Variants in TMC6 observed in about 807,000 individuals in gnomAD.
The protein encoded by TMC6 is transmembrane channel like 6, also known as transmembrane channel-like protein 6.
In TMC6, 71 loss-of-function variants were observed where a neutral mutation model predicts 95.4. That is an observed-to-expected ratio of 0.74 (90% confidence interval 0.61 to 0.91). The LOEUF is 0.91. TMC6 is among the 40% of genes least tolerant of loss of function. TMC6 has a pLI of 0.00. For synonymous variants in TMC6, 514 were observed against 483.1 expected (o/e 1.06, Z -0.84); for missense variants, 1,074 against 1,079.1 (o/e 1.00, Z 0.07).
At chr17:78,132,340 C>T (rs1366992986), upstream of TMC6, 2 of 1,612,346 alleles carry the variant, frequency 1.2e-6, no homozygotes, top group Non-Finnish European at 1.7e-6. Context: ...CCCTGACCCA[C>T]CCTGCTCTCC....
At chr17:78,124,245 C>T in intron 8 of TMC6, 66 bp from the exon 9 acceptor site, 2 of 1,589,884 alleles carry the variant, frequency 1.3e-6, no homozygotes, top group Non-Finnish European at 1.7e-6. Flanking sequence ...TCAGGCCTGA[C>T]AGCCACAGGG....
chr17:78,119,067 C>T (rs2074276319), intron 14 of TMC6, 21 bp from the exon 15 acceptor site: 1 of 1,564,874 alleles, frequency 6.4e-7, no homozygotes, highest in Non-Finnish European at 8.7e-7. Context: ...GGTGGCAGTT[C>T]AGGGGCTGCT....
At chr17:78,115,054 C>T (rs919558652) in intron 18 of TMC6, among the ~76,000 whole-genome samples, 1 of 152,260 alleles carries the variant, frequency 6.6e-6, no homozygotes, top group Non-Finnish European at 1.5e-5. Context: ...TACAGCCAGA[C>T]AACCACCGCA....
intron 14 of TMC6, 78 bp downstream of exon 14, chr17:78,119,219 G>C: frequency 6.4e-7 from 1 of 1,568,858 alleles, no homozygotes; most frequent in Non-Finnish European, 8.8e-7. Flanking sequence ...CCCAGGGGGA[G>C]GCAGGTACAG....
intron 14 of TMC6, 112 bp from the exon 15 acceptor site, chr17:78,119,158 G>A (rs752361112): frequency 1.4e-5 from 21 of 1,494,648 alleles, no homozygotes; most frequent in African/African-American, 4.1e-5. Flanking sequence ...CTGAGTCCCC[G>A]GGGTTAGGGT....
At chr17:78,117,760 C>T (rs1424013613) in intron 16 of TMC6, 42 bp downstream of exon 16, 1 of 1,593,126 alleles carries the variant, frequency 6.3e-7, no homozygotes, top group East Asian at 2.3e-5. Context: ...CACCCAACCC[C>T]CAGATGACAC....
intron 15 of TMC6, among the ~76,000 whole-genome samples, chr17:78,118,425 GGGCGCCTGTAGT>G (rs2145110309): frequency 6.6e-6 from 1 of 152,274 alleles, no homozygotes; most frequent in Admixed American, 6.5e-5. Flanking sequence ...GTGTGGTGGC[GGGCGCCTGTAGT>G]CCCAGCCACT....
chr17:78,113,437 GTC>G, intron 19 of TMC6, 109 bp downstream of exon 19: 1 of 1,377,912 alleles, frequency 7.3e-7, no homozygotes, highest in Non-Finnish European at 1.0e-6. Flanking sequence ...GTCAAAAGCG[GTC>G]AAGTGTCAGC....
chr17:78,116,047 T>C (rs1316154741), intron 18 of TMC6, among the ~76,000 whole-genome samples: 1 of 152,016 alleles, frequency 6.6e-6, no homozygotes, highest in African/African-American at 2.4e-5. Context: ...ACTCGCTCTG[T>C]CGCCCGGGCT....
chr17:78,117,867 G>C lies in TMC6; in HGVS notation c.1956C>G (p.Phe652Leu). ...PWLASHMSTV[F>L]LTLLCFPAFL... ...AGGCGGGGAAGCAGAGCAGCGTGAG[G>C]AAGACGGTGCTCATGTGTGAGGCCA... Residue 652 changes from phenylalanine (F) to leucine (L), a missense_variant, in exon 16 of 20, where the codon TTC (phenylalanine) becomes TTG (leucine). Phe to Leu is a conservative substitution (Grantham distance 22). Transcript: ENST00000590602. The C allele has an allele frequency of 6.2e-7, 1 of 1,607,904 alleles. No individual in the cohort carries two copies. Among genetic ancestry groups the C allele is most frequent in the Non-Finnish European group, 8.5e-7 (1 of 1,177,546 alleles).
At position 78,126,760 on chromosome 17, in the gene TMC6, A is replaced by C. The variant is rs1302340140; in HGVS notation, c.56+17T>G. 1 of 1,612,920 alleles carries C rather than the reference A, an allele frequency of 6.2e-7. No homozygotes were observed. Among genetic ancestry groups the C allele is most frequent in the Non-Finnish European group, 8.5e-7 (1 of 1,179,740 alleles). On this transcript the variant is annotated intron_variant, in intron 2 of 19. Transcript: ENST00000590602. ...TGGAACATTCCAGCCTCCAGCCCCC[A>C]GCCCCAGAGCGCTTACCCCTGGTCC...
rs1368141655 is a variant in TMC6, at chr17:78,121,385, G to T, written c.1383+171C>A. ...AAAATAAAACCGTGAGACAGGACAA[G>T]GGGCTGAGAAGTGGGGCTCGGAGGG... On this transcript the variant is annotated intron_variant, in intron 11 of 19. Coordinates refer to ENST00000590602, the MANE Select transcript of TMC6 (RefSeq NM_001127198.5). The surrounding 1 kb of genome is among the most constrained non-coding windows in gnomAD (Gnocchi z 5.6). 6.6e-6 allele frequency among the ~76,000 whole-genome samples: 1 copy of T among 152,200 alleles called. No individual in the cohort carries two copies. Among genetic ancestry groups the T allele is most frequent in the Non-Finnish European group, 1.5e-5 (1 of 68,020 alleles).
rs1273195560 is a variant in TMC6 at position 78,125,142 on chromosome 17, G to A, written c.536+16C>T. 6.4e-7 allele frequency: 1 copy of A among 1,554,522 alleles called. No individual in the cohort carries two copies. Among genetic ancestry groups the A allele is most frequent in the Non-Finnish European group, 8.7e-7 (1 of 1,149,234 alleles). On this transcript the variant is annotated intron_variant, in intron 6 of 19. Coordinates refer to ENST00000590602, the MANE Select transcript of TMC6 (RefSeq NM_001127198.5). ...GGCGCAGCAGCGGCGGCATGGTCAG[G>A]GTCGGGGCTGCTCACCGCAGGCTGC...
rs756830653 is a variant in TMC6 at position 78,113,595 on chromosome 17, G to A, written c.2307C>T (p.Asn769=). Residue 769 remains asparagine (N), a synonymous_variant, in exon 19 of 20, where the codon AAC becomes AAT. Coordinates refer to ENST00000590602, the MANE Select transcript of TMC6 (RefSeq NM_001127198.5). ...TCCTCTCGTAGATGGAGTGAAGCTT[G>A]TTGATTAAGAAGATTTTGTCCTCAC... ...NEGEDKIFLI[N]KLHSIYERKE... is the part of the protein sequence containing the mutation. 62 of 1,613,796 alleles carry A rather than the reference G, an allele frequency of 3.8e-5. No homozygotes were observed. Among genetic ancestry groups the A allele is most frequent in the Non-Finnish European group, 5.2e-5 (61 of 1,180,020 alleles).
At chr17:78,116,443 T>C (rs1017392996) in intron 18 of TMC6, among the ~76,000 whole-genome samples, 2 of 151,992 alleles carry the variant, frequency 1.3e-5, no homozygotes, top group Non-Finnish European at 2.9e-5. Context: ...CAGCTAACTT[T>C]TAAAATTTTT....
chr17:78,131,244 T>C, upstream of TMC6: 1 of 432,208 alleles, frequency 2.3e-6, no homozygotes, highest in Non-Finnish European at 4.3e-6. Context: ...CGGTCCAGAC[T>C]TTCTGTGCCC....
At position 78,119,224 on chromosome 17, in the gene TMC6, G is replaced by A. The variant is rs1295588992; in HGVS notation, c.1811+73C>T. 8 of 1,581,396 alleles carry A rather than the reference G, an allele frequency of 5.1e-6. No homozygotes were observed. The Admixed American group carries it at 1.0e-4, about 20-fold the overall frequency. On this transcript the variant is annotated intron_variant, in intron 14 of 19. Coordinates refer to ENST00000590602, the MANE Select transcript of TMC6 (RefSeq NM_001127198.5). The stretch of plus-strand genomic sequence containing the variant: ...TGGCTGTGGCCCCAGGGGGAGGCAG[G>A]TACAGGACCCCCGGGGGGAAAGGGG...
upstream of TMC6, chr17:78,131,469 C>T (rs973920933): frequency 7.8e-6 from 11 of 1,406,646 alleles, no homozygotes; most frequent in Non-Finnish European, 1.1e-5. Context: ...GACGGAAGGG[C>T]CCGCCCCCAG....
Position 78,124,833 on chromosome 17 carries a change from G to GGCCACCCCAGCCCTGCCCA in TMC6, c.633+37_634-53dup. ...AGGGTGAGGCCGGAGGAGGCACTGA[G>GGCCACCCCAGCCCTGCCCA]GCCACCCCAGCCCTGCCCAGCCGCC... On this transcript the variant is annotated intron_variant, in intron 7 of 19. Transcript: ENST00000590602. 3 of 1,578,778 alleles carry GGCCACCCCAGCCCTGCCCA rather than the reference G, an allele frequency of 1.9e-6. No homozygotes were observed. The South Asian group carries it at 3.4e-5, about 18-fold the overall frequency.
Sources: allele counts gnomAD v4.1 joint callset (sites outside exome capture counted in the v4.1 genomes callset), GRCh38; gene constraint gnomAD v4.1.1; non-coding constraint Gnocchi (gnomAD v3.1); transcripts MANE v1.5; gene names NCBI Gene and HGNC (gene_info 2026-07-23, HGNC 2026-07-21).